PTPRR: variants seen among roughly 807,000 people sequenced by gnomAD.
PTPRR encodes the protein receptor-type tyrosine-protein phosphatase R.
In PTPRR, 38 loss-of-function variants were observed where a neutral mutation model predicts 77.2. That is an observed-to-expected ratio of 0.49 (90% CI 0.38 to 0.65). The LOEUF (loss-of-function observed/expected upper bound fraction) is 0.65. PTPRR is among the 30% of genes least tolerant of loss of function. The pLI, the probability that PTPRR is intolerant of heterozygous loss-of-function variation, is 0.00. For synonymous variants in PTPRR, 299 were observed against 283.1 expected (o/e 1.06, Z -0.57); for missense variants, 744 against 799.2 (o/e 0.93, Z 0.83).
At chr12:70,673,068 T>G in intron 10 of PTPRR, 6 of 1,137,204 alleles carry the variant, frequency 5.3e-6, no homozygotes, top group Non-Finnish European at 6.8e-6. Flanking sequence ...GAAAGAAATA[T>G]ATATTTGACT....
chr12:70,697,419 T>C (rs1888266551), intron 8 of PTPRR, among the ~76,000 whole-genome samples: 1 of 152,148 alleles, frequency 6.6e-6, no homozygotes. Flanking sequence ...TGTTTGTGTT[T>C]CTATTATTGA....
At chr12:70,685,536 G>A (rs928656649) in intron 8 of PTPRR, among the ~76,000 whole-genome samples, 3 of 149,296 alleles carry the variant, frequency 2.0e-5, no homozygotes, top group African/African-American at 7.4e-5. Flanking sequence ...TGTGGTTCCA[G>A]CTACTTGGGA....
intron 2 of PTPRR, among the ~76,000 whole-genome samples, chr12:70,818,056 A>G (rs190397021): frequency 8.8e-4 from 134 of 152,106 alleles, no homozygotes; most frequent in African/African-American, 3.1e-3. Flanking sequence ...TACTAAAAAT[A>G]CAAAAATTAG....
chr12:70,897,864 A>G (rs552958128), intron 1 of PTPRR, among the ~76,000 whole-genome samples: 5 of 152,138 alleles, frequency 3.3e-5, no homozygotes, highest in African/African-American at 7.2e-5. Flanking sequence ...AGGGACATGG[A>G]TGAAGCTGGA....
chr12:70,788,745 T>G (rs1443682767), intron 2 of PTPRR: 1 of 1,056,862 alleles, frequency 9.5e-7, no homozygotes, highest in African/African-American at 1.6e-5. Flanking sequence ...GACATAAATC[T>G]TAATATTTAC....
chr12:70,722,938 A>G (rs181509613), intron 6 of PTPRR, among the ~76,000 whole-genome samples: 10 of 152,308 alleles, frequency 6.6e-5, no homozygotes, highest in African/African-American at 2.2e-4. Context: ...GTCCCTGAAA[A>G]AGATTCTTGG....
intron 13 of PTPRR, among the ~76,000 whole-genome samples, chr12:70,653,903 C>T (rs1363175379): frequency 1.3e-5 from 2 of 151,720 alleles, no homozygotes; most frequent in Non-Finnish European, 2.9e-5. Context: ...AGTTTACATG[C>T]TAACAGAAAG....
chr12:70,805,146 C>A (rs568462074), intron 2 of PTPRR, among the ~76,000 whole-genome samples: 1 of 151,966 alleles, frequency 6.6e-6, no homozygotes, highest in Admixed American at 6.6e-5. Flanking sequence ...ATAGGTTTAT[C>A]TTAGCATTGT....
chr12:70,770,520 G>C (rs1322818376), intron 2 of PTPRR, among the ~76,000 whole-genome samples: 1 of 152,158 alleles, frequency 6.6e-6, no homozygotes, highest in Non-Finnish European at 1.5e-5. Flanking sequence ...ACAGGTGCTG[G>C]AGAGGATGTG....
intron 10 of PTPRR, among the ~76,000 whole-genome samples, chr12:70,667,701 C>T (rs139168756): frequency 7.9e-5 from 12 of 152,190 alleles, no homozygotes; most frequent in Middle Eastern, 3.4e-3. Flanking sequence ...CCAATTTATG[C>T]TCATGAATCC....
In PTPRR at chr12:70,714,406, T is replaced by G. The variant is rs148137452; in HGVS notation, c.1008-13083A>C. ...TCACAGCTCACCACAATTTGGGTTA[T>G]GTACCCTTCTTTCAATTGCCCACGC... On this transcript the variant is annotated intron_variant, in intron 6 of 13. Coordinates refer to ENST00000283228, the MANE Select transcript of PTPRR (RefSeq NM_002849.4). Among the ~76,000 whole-genome samples the G allele has an allele frequency of 6.2e-4, 94 of 152,304 alleles. 1 individual carries two copies. The East Asian group carries it at 0.016, about 26-fold the overall frequency.
At chr12:70,752,521 A>C (rs1890434614) in intron 5 of PTPRR, among the ~76,000 whole-genome samples, 1 of 152,168 alleles carries the variant, frequency 6.6e-6, no homozygotes, top group Non-Finnish European at 1.5e-5. Flanking sequence ...CCTGAGTTAG[A>C]AATGCAGAAT....
At chr12:70,688,520 A>G (rs1034325502) in intron 8 of PTPRR, among the ~76,000 whole-genome samples, 8 of 152,234 alleles carry the variant, frequency 5.3e-5, no homozygotes, top group African/African-American at 1.7e-4. Flanking sequence ...TAGAAGGGCT[A>G]TTATCAAAAA....
chr12:70,860,506 A>G (rs1892733763), intron 2 of PTPRR, among the ~76,000 whole-genome samples: 1 of 152,128 alleles, frequency 6.6e-6, no homozygotes, highest in South Asian at 2.1e-4. Flanking sequence ...AAACTTCTGT[A>G]TTAGTATGAA....
At chr12:70,698,877 A>G (rs1201260355) in intron 7 of PTPRR, among the ~76,000 whole-genome samples, 1 of 152,200 alleles carries the variant, frequency 6.6e-6, no homozygotes, top group Non-Finnish European at 1.5e-5. Flanking sequence ...GAAATGGTTT[A>G]TAACTGGACT....
intron 6 of PTPRR, among the ~76,000 whole-genome samples, chr12:70,718,391 G>A (rs1274157605): frequency 1.3e-5 from 2 of 151,938 alleles, no homozygotes; most frequent in Non-Finnish European, 2.9e-5. Context: ...TCAGCCTCCC[G>A]AGTAGCTGGG....
chr12:70,799,392 T>C lies in PTPRR; in HGVS notation c.358-34614A>G, dbSNP rs138461336. 2.9e-3 allele frequency among the ~76,000 whole-genome samples: 446 copies of C among 152,366 alleles called. 4 individuals are homozygous for C. The highest frequency in any genetic ancestry group is 6.8e-3 in the Middle Eastern group (2 of 294). On this transcript the variant is annotated intron_variant, in intron 2 of 13. Transcript: ENST00000283228. ...AAAATTTTCAATTGAGCTCCCAGAA[T>C]CGCATGTTTATTTCCTCTAAAATAA...
chr12:70,692,329 TTATC>T (rs144324925), intron 8 of PTPRR, among the ~76,000 whole-genome samples: 1,933 of 152,310 alleles, frequency 0.013, 46 homozygotes, highest in African/African-American at 0.043. Context: ...GATGAAAATA[TTATC>T]TATCTGTGCT....
At chr12:70,745,541 T>C (rs1170386551) in intron 6 of PTPRR, among the ~76,000 whole-genome samples, 4 of 152,174 alleles carry the variant, frequency 2.6e-5, no homozygotes, top group Non-Finnish European at 2.9e-5. Context: ...TGAACCTCAA[T>C]AAGCTAGAAA....
Sources: allele counts gnomAD v4.1 joint callset (sites outside exome capture counted in the v4.1 genomes callset), GRCh38; gene constraint gnomAD v4.1.1; transcripts MANE v1.5; gene names NCBI Gene and HGNC (gene_info 2026-07-23, HGNC 2026-07-21).